The following ZC3H12B variants were observed in gnomAD, a reference collection of about 807,000 sequenced individuals.
The protein encoded by ZC3H12B is zinc finger CCCH-type containing 12B.
ZC3H12B carries 7 observed loss-of-function variants against 43.9 expected under a neutral mutation model. That is an observed-to-expected ratio of 0.16 (90% CI 0.09 to 0.30). ZC3H12B has a LOEUF of 0.30. ZC3H12B is among the 10% of genes least tolerant of loss of function. The pLI is 1.00. For synonymous variants in ZC3H12B, 222 were observed against 241.7 expected, an observed-to-expected ratio of 0.92 and a Z score of 0.76; for missense variants, 475 against 670.2, an observed-to-expected ratio of 0.71 and a Z score of 3.22.
the ZC3H12B span, among the ~76,000 whole-genome samples, chrX:65,279,416 A>C: frequency 9.3e-6 from 1 of 107,355 alleles, no homozygotes; most frequent in Non-Finnish European, 1.9e-5. Flanking sequence ...TTTTCATATG[A>C]TTGTTGGCCA....
chrX:65,153,488 A>G, the ZC3H12B span, among the ~76,000 whole-genome samples: 4 of 112,691 alleles, frequency 3.5e-5, no homozygotes, highest in East Asian at 8.3e-4. Flanking sequence ...AATGCTCACC[A>G]TCACTGGCCA....
At chrX:65,118,307 T>C in the ZC3H12B span, among the ~76,000 whole-genome samples, 4 of 111,624 alleles carry the variant, frequency 3.6e-5, no homozygotes, top group African/African-American at 1.3e-4. Context: ...CTTAGGTATT[T>C]TATTCTCTTT....
the ZC3H12B span, among the ~76,000 whole-genome samples, chrX:65,247,588 G>A: frequency 2.7e-5 from 3 of 112,487 alleles, no homozygotes; most frequent in Non-Finnish European, 5.6e-5. Context: ...TCCTTTTCAG[G>A]AAAATGGATG....
intron 2 of ZC3H12B, among the ~76,000 whole-genome samples, chrX:65,373,962 G>GTATATATAGTTATATATATATACTATA (rs2066295354): frequency 1.6e-4 from 1 of 6,354 alleles, no homozygotes; most frequent in Non-Finnish European, 1.2e-3. Flanking sequence ...TATATATACT[G>GTATATATAGTTATATATATATACTATA]TATATATAGT....
At chrX:65,396,473 C>G (rs773773430) in intron 2 of ZC3H12B, among the ~76,000 whole-genome samples, 1 of 111,973 alleles carries the variant, frequency 8.9e-6, no homozygotes, top group East Asian at 2.8e-4. Context: ...TGTTCAGTTT[C>G]CATATAGTTG....
chrX:65,195,141 G>A, the ZC3H12B span, among the ~76,000 whole-genome samples: 1 of 108,764 alleles, frequency 9.2e-6, no homozygotes, highest in East Asian at 2.9e-4. Context: ...TTAATGGAGA[G>A]TTTAATCAAG....
At chrX:65,225,218 G>A in the ZC3H12B span, among the ~76,000 whole-genome samples, 4 of 112,270 alleles carry the variant, frequency 3.6e-5, no homozygotes, top group East Asian at 2.8e-4. Context: ...CGCGGTTCAC[G>A]AAAATCTGCT....
At chrX:65,441,217 T>G in intron 3 of ZC3H12B, among the ~76,000 whole-genome samples, 1 of 111,798 alleles carries the variant, frequency 8.9e-6, no homozygotes, top group Non-Finnish European at 1.9e-5. Context: ...TATAATTGGT[T>G]GAATAGTCCC....
At chrX:65,452,849 C>A (rs1436704913) in intron 3 of ZC3H12B, among the ~76,000 whole-genome samples, 1 of 95,745 alleles carries the variant, frequency 1.0e-5, no homozygotes, top group Non-Finnish European at 2.3e-5. Flanking sequence ...TAAACACACA[C>A]ACACACACAC....
At chrX:65,382,335 G>T (rs6524980) in intron 2 of ZC3H12B, among the ~76,000 whole-genome samples, 1 of 109,602 alleles carries the variant, frequency 9.1e-6, no homozygotes, top group Admixed American at 9.8e-5. Flanking sequence ...CATATAAACC[G>T]AACCAAAGAC....
chrX:65,386,385 G>A (rs1053909559), intron 2 of ZC3H12B, among the ~76,000 whole-genome samples: 1 of 111,754 alleles, frequency 8.9e-6, no homozygotes, highest in African/African-American at 3.3e-5. Flanking sequence ...CAGGGTGTAT[G>A]TGTCCAGTAA....
the ZC3H12B span, among the ~76,000 whole-genome samples, chrX:65,164,878 C>A: frequency 4.5e-5 from 5 of 111,939 alleles, no homozygotes; most frequent in South Asian, 1.1e-3. Context: ...GATAAGGAAG[C>A]TTTCTTGAAA....
At chrX:65,156,741 C>A in the ZC3H12B span, among the ~76,000 whole-genome samples, 1 of 110,428 alleles carries the variant, frequency 9.1e-6, no homozygotes, top group South Asian at 3.8e-4. Flanking sequence ...ATCTCTAACT[C>A]CTGGGCTCAA....
At chrX:65,159,732 T>C in the ZC3H12B span, among the ~76,000 whole-genome samples, 2 of 112,015 alleles carry the variant, frequency 1.8e-5, no homozygotes, top group African/African-American at 6.5e-5. Flanking sequence ...ACTCCCTCTT[T>C]TCCTAATTGA....
At chrX:65,099,353 C>T in the ZC3H12B span, among the ~76,000 whole-genome samples, 2 of 111,771 alleles carry the variant, frequency 1.8e-5, no homozygotes, top group African/African-American at 6.5e-5. Flanking sequence ...AAGGGGAGTT[C>T]TCCAACCACA....
At chrX:65,444,096 A>G (rs1455723055) in intron 3 of ZC3H12B, among the ~76,000 whole-genome samples, 1 of 111,690 alleles carries the variant, frequency 9.0e-6, no homozygotes, top group African/African-American at 3.3e-5. Context: ...CTTCTTTCTT[A>G]TCTACCTCTC....
chrX:65,276,398 C>T, the ZC3H12B span, among the ~76,000 whole-genome samples: 1 of 110,910 alleles, frequency 9.0e-6, no homozygotes, highest in African/African-American at 3.3e-5. Flanking sequence ...ACATTAGAGT[C>T]AAATTGTCAA....
chrX:65,181,136 AAAAC>A, the ZC3H12B span, among the ~76,000 whole-genome samples: 6 of 111,818 alleles, frequency 5.4e-5, no homozygotes, highest in East Asian at 1.7e-3. Flanking sequence ...AAACCTGACA[AAAAC>A]AAGCAATGGG....
chrX:65,469,697 G>A (rs1024659450), intron 3 of ZC3H12B: 15 of 137,899 alleles, frequency 1.1e-4, no homozygotes, highest in South Asian at 5.1e-4. Flanking sequence ...CAGGCCAGGC[G>A]CGGAGGCTCA....
Sources: allele counts gnomAD v4.1 joint callset (sites outside exome capture counted in the v4.1 genomes callset), GRCh38; gene constraint gnomAD v4.1.1; transcripts MANE v1.5; gene names NCBI Gene and HGNC (gene_info 2026-07-23, HGNC 2026-07-21).